Variants in SCEL observed in about 807,000 individuals in gnomAD.
SCEL encodes the protein sciellin.
Under a neutral mutation model 117.6 loss-of-function variants are expected in SCEL, and 113 were observed. That is an observed-to-expected ratio of 0.96 (90% CI 0.83 to 1.12). The LOEUF (loss-of-function observed/expected upper bound fraction) is 1.12. SCEL is among the 50% of genes most tolerant of loss of function. The pLI, the probability that SCEL is intolerant of heterozygous loss-of-function variation, is 0.00. For synonymous variants in SCEL, 270 were observed against 256.2 expected, an observed-to-expected ratio of 1.05 and a Z score of -0.51; for missense variants, 785 against 810.8, an observed-to-expected ratio of 0.97 and a Z score of 0.39.
chr13:77,565,282 C>T (rs555229719), intron 5 of SCEL, among the ~76,000 whole-genome samples: 1 of 151,978 alleles, frequency 6.6e-6, no homozygotes, highest in African/African-American at 2.4e-5. Flanking sequence ...TCCTACTACC[C>T]CTCACTCCCC....
chr13:77,576,524 C>T (rs543137038), intron 9 of SCEL, among the ~76,000 whole-genome samples: 11 of 152,260 alleles, frequency 7.2e-5, no homozygotes, highest in Admixed American at 3.3e-4. Context: ...TTTGTGTGCT[C>T]GCCACTTCTT....
At chr13:77,564,299 T>C (rs2085161544) in intron 5 of SCEL, among the ~76,000 whole-genome samples, 1 of 151,884 alleles carries the variant, frequency 6.6e-6, no homozygotes, top group Non-Finnish European at 1.5e-5. Flanking sequence ...ATGGAGAGAC[T>C]GTAAATTTTA....
At chr13:77,556,826 T>G (rs1345825543) in intron 3 of SCEL, 113 bp downstream of exon 3, 1 of 758,226 alleles carries the variant, frequency 1.3e-6, no homozygotes, top group Non-Finnish European at 2.3e-6. Flanking sequence ...AACACTTTGT[T>G]GCATGGTCTA....
chr13:77,612,243 G>A (rs1219913874), intron 22 of SCEL, among the ~76,000 whole-genome samples: 1 of 152,092 alleles, frequency 6.6e-6, no homozygotes, highest in Non-Finnish European at 1.5e-5. Context: ...TGTGATAACA[G>A]CAGCATCTCT....
chr13:77,642,953 T>C, intron 32 of SCEL, 145 bp downstream of exon 32: 1 of 482,550 alleles, frequency 2.1e-6, no homozygotes, highest in Non-Finnish European at 3.6e-6. Flanking sequence ...TATACTATGG[T>C]AGTATTTTGT....
intron 9 of SCEL, among the ~76,000 whole-genome samples, chr13:77,580,352 C>T (rs2086198520): frequency 6.6e-6 from 1 of 152,158 alleles, no homozygotes; most frequent in Non-Finnish European, 1.5e-5. Context: ...AGTTCTTAAA[C>T]ACTTTCTTGT....
At chr13:77,596,324 A>C (rs952613425) in intron 12 of SCEL, among the ~76,000 whole-genome samples, 1 of 133,956 alleles carries the variant, frequency 7.5e-6, no homozygotes, top group Non-Finnish European at 1.7e-5. Context: ...CAAGAGTGAA[A>C]CTCTGTCTTA....
intron 1 of SCEL, among the ~76,000 whole-genome samples, chr13:77,554,998 A>G (rs2084569863): frequency 6.6e-6 from 1 of 152,148 alleles, no homozygotes; most frequent in Non-Finnish European, 1.5e-5. Context: ...TGATCCACAA[A>G]AGCATTCTAA....
chr13:77,552,186 T>A (rs1168401711), intron 1 of SCEL, among the ~76,000 whole-genome samples: 1 of 151,438 alleles, frequency 6.6e-6, no homozygotes, highest in African/African-American at 2.4e-5. Context: ...GCAGCATGAT[T>A]TATAGTCCTT....
At chr13:77,539,711 T>C (rs893354556) in intron 1 of SCEL, among the ~76,000 whole-genome samples, 1 of 152,022 alleles carries the variant, frequency 6.6e-6, no homozygotes, top group Non-Finnish European at 1.5e-5. Flanking sequence ...ATTTTTTGTA[T>C]TTTTAGTAGA....
chr13:77,625,820 A>T (rs2089701883), intron 27 of SCEL, among the ~76,000 whole-genome samples: 1 of 152,216 alleles, frequency 6.6e-6, no homozygotes, highest in Non-Finnish European at 1.5e-5. Flanking sequence ...TAATAACCTT[A>T]TTTGAACCCA....
Position 77,599,705 on chromosome 13 carries a change from A to G in SCEL, c.874A>G (p.Ser292Gly). The G allele has an allele frequency of 1.2e-6, 2 of 1,612,202 alleles. No homozygotes were observed. The highest frequency in any genetic ancestry group is 1.7e-6 in the Non-Finnish European group (2 of 1,178,190). Residue 292 changes from serine (S) to glycine (G), a missense_variant, in exon 15 of 33, where the codon AGT (serine) becomes GGT (glycine). Transcript: ENST00000349847. ...TGTTTTCAGAGCCAAAAGCCTTGAA[A>G]GTCTCATCTATATGAGTACCCGGAC... ...EREKRAKSLE[S>G]LIYMSTRTDK...
At chr13:77,610,565 G>GCT (rs1459859487) in intron 22 of SCEL, among the ~76,000 whole-genome samples, 2 of 152,098 alleles carry the variant, frequency 1.3e-5, no homozygotes, top group Non-Finnish European at 2.9e-5. Flanking sequence ...CTTACCGAAG[G>GCT]CTCTCTGGCC....
chr13:77,607,740 G>A (rs1471522882), intron 19 of SCEL, among the ~76,000 whole-genome samples: 1 of 152,190 alleles, frequency 6.6e-6, no homozygotes, highest in Non-Finnish European at 1.5e-5. Flanking sequence ...AATGTTTTGT[G>A]CACCTGGTAA....
At chr13:77,600,931 A>G (rs1290736744) in intron 15 of SCEL, among the ~76,000 whole-genome samples, 1 of 152,176 alleles carries the variant, frequency 6.6e-6, no homozygotes, top group Non-Finnish European at 1.5e-5. Flanking sequence ...TTCCAAACCA[A>G]TCTTGGCGAT....
intron 11 of SCEL, among the ~76,000 whole-genome samples, chr13:77,593,300 G>GCGTGCGCGCGTC (rs374537294): frequency 6.9e-6 from 1 of 145,148 alleles, no homozygotes; most frequent in Non-Finnish European, 1.5e-5. Flanking sequence ...GTGTGTGTCT[G>GCGTGCGCGCGTC]TGTGTGTGTG....
intron 9 of SCEL, among the ~76,000 whole-genome samples, chr13:77,580,101 C>T (rs181907171): frequency 5.3e-4 from 81 of 152,170 alleles, no homozygotes; most frequent in African/African-American, 1.8e-3. Flanking sequence ...GCCTAAGAAC[C>T]CTTTTAGAAT....
At chr13:77,556,774 G>C in intron 3 of SCEL, 61 bp downstream of exon 3, 1 of 1,127,978 alleles carries the variant, frequency 8.9e-7, no homozygotes, top group South Asian at 1.3e-5. Flanking sequence ...TATCTGTTTG[G>C]GAAGCTAATG....
Position 77,575,836 on chromosome 13 carries a change from A to T in SCEL, c.545+3647A>T, listed in dbSNP as rs776536668. Among the ~76,000 whole-genome samples, 3 of 152,230 alleles carry T rather than the reference A, an allele frequency of 2.0e-5. No individual in the cohort carries two copies. In the South Asian group the frequency reaches 6.2e-4, roughly 32 times the overall value. ...ACCAATACAGTGTTTTGAATTATCA[A>T]GATATGCCAAGCAGATTATCCTTTG... is the stretch of plus-strand genomic sequence containing the variant. On this transcript the variant is annotated intron_variant, in intron 9 of 32. Coordinates refer to ENST00000349847, the MANE Select transcript of SCEL (RefSeq NM_144777.3).
Sources: allele counts gnomAD v4.1 joint callset (sites outside exome capture counted in the v4.1 genomes callset), GRCh38; gene constraint gnomAD v4.1.1; transcripts MANE v1.5; gene names NCBI Gene and HGNC (gene_info 2026-07-23, HGNC 2026-07-21).